The following CCDC6 variants were observed in gnomAD, a reference collection of about 807,000 sequenced individuals.
CCDC6 encodes the protein coiled-coil domain-containing protein 6.
CCDC6 carries 20 observed loss-of-function variants against 56.6 expected under a neutral mutation model. The ratio of observed to expected loss-of-function variants is 0.35; its 90% CI spans 0.25 to 0.51. CCDC6 has a LOEUF of 0.51. Ranked by LOEUF, CCDC6 falls within the 20% of genes least tolerant of loss-of-function variation. CCDC6 has a pLI of 0.95. For missense variants in CCDC6, 367 were observed against 601.1 expected, an observed-to-expected ratio of 0.61 and a Z score of 4.07; for synonymous variants, 241 against 234.4, an observed-to-expected ratio of 1.03 and a Z score of -0.26.
chr10:59,898,055 T>C (rs1564760549), intron 1 of CCDC6, among the ~76,000 whole-genome samples: 1 of 152,212 alleles, frequency 6.6e-6, no homozygotes, highest in East Asian at 1.9e-4. Context: ...TGTAAAAAAC[T>C]AGAATTCAAA....
At chr10:59,903,582 C>T (rs539095099) in intron 1 of CCDC6, among the ~76,000 whole-genome samples, 22 of 152,282 alleles carry the variant, frequency 1.4e-4, no homozygotes, top group African/African-American at 5.1e-4. Context: ...CCACAATCAC[C>T]TTTAGTGCCC....
intron 7 of CCDC6, among the ~76,000 whole-genome samples, chr10:59,795,479 TA>T (rs1315159647): frequency 1.3e-5 from 2 of 151,788 alleles, no homozygotes; most frequent in African/African-American, 4.8e-5. Context: ...TTTTTATTAT[TA>T]TTATTATTAT....
intron 3 of CCDC6, among the ~76,000 whole-genome samples, chr10:59,816,175 T>G (rs1174838589): frequency 6.6e-6 from 1 of 152,126 alleles, no homozygotes; most frequent in Non-Finnish European, 1.5e-5. Flanking sequence ...CCAGAATGAA[T>G]ATGCATAAAA....
intron 5 of CCDC6, among the ~76,000 whole-genome samples, chr10:59,811,711 C>T (rs1215117186): frequency 6.6e-6 from 1 of 152,024 alleles, no homozygotes; most frequent in African/African-American, 2.4e-5. Context: ...GAGGAACCCA[C>T]AGATAGGAAA....
chr10:59,857,616 C>T (rs1436987563), intron 1 of CCDC6, among the ~76,000 whole-genome samples: 1 of 151,846 alleles, frequency 6.6e-6, no homozygotes, highest in Non-Finnish European at 1.5e-5. Context: ...TTGATAGCAG[C>T]CCTATGGATA....
intron 2 of CCDC6, among the ~76,000 whole-genome samples, chr10:59,837,074 G>A (rs2070889512): frequency 6.6e-6 from 1 of 152,170 alleles, no homozygotes; most frequent in African/African-American, 2.4e-5. Context: ...CTAGCCTTAA[G>A]CATCATCCAA....
chr10:59,792,979 A>T lies in CCDC6; in HGVS notation c.1363T>A (p.Ser455Thr), dbSNP rs2070481837. 1 of 1,612,784 alleles carries T rather than the reference A, an allele frequency of 6.2e-7. No individual in the cohort carries two copies. The highest frequency in any genetic ancestry group is 1.7e-5 in the Admixed American group (1 of 59,924). The change falls in exon 9 of 9, where the codon TCA (serine) becomes ACA (threonine). Residue 455 changes from serine to threonine, a missense_variant. By Grantham distance (58) the Ser-to-Thr change is moderately conservative. This residue lies in a region of CCDC6 where 54 missense variants were observed against 60.0 expected (regional missense o/e 0.90). Coordinates refer to ENST00000263102, the MANE Select transcript of CCDC6 (RefSeq NM_005436.5). ...PPPPMQPTVPSAATSQPTPSQ... is the reference protein window; with the variant it reads ...PPPPMQPTVPTAATSQPTPSQ... ...GGAGTAGGCTGCGAGGTGGCTGCTG[A>T]GGGGACCGTGGGCTGCATGGGTGGC... is the stretch of plus-strand genomic sequence containing the variant.
intron 6 of CCDC6, 133 bp downstream of exon 6, chr10:59,806,789 T>C: frequency 3.1e-6 from 2 of 655,284 alleles, no homozygotes; most frequent in Non-Finnish European, 5.0e-6. Context: ...TATAACGCAG[T>C]GGCATTCATT....
At chr10:59,858,572 T>C (rs964552053) in intron 1 of CCDC6, among the ~76,000 whole-genome samples, 1 of 152,210 alleles carries the variant, frequency 6.6e-6, no homozygotes, top group Non-Finnish European at 1.5e-5. Flanking sequence ...AAACCAGCTT[T>C]CATGAAAGAC....
chr10:59,864,813 A>G (rs1446063064), intron 1 of CCDC6, among the ~76,000 whole-genome samples: 1 of 152,004 alleles, frequency 6.6e-6, no homozygotes, highest in Non-Finnish European at 1.5e-5. Flanking sequence ...AACAGTATAG[A>G]CCTCCTCAGA....
intron 1 of CCDC6, among the ~76,000 whole-genome samples, chr10:59,896,091 A>T (rs1394023242): frequency 6.6e-6 from 1 of 152,090 alleles, no homozygotes; most frequent in East Asian, 1.9e-4. Flanking sequence ...ACGTTCCTGG[A>T]CTCTGCCCTA....
At position 59,863,621 on chromosome 10, in the gene CCDC6, TATA is replaced by T. The variant is rs915785082; in HGVS notation, c.304-10922_304-10920del. ...CTAGATTATAGTTCAACTCTGTAAA[TATA>T]ATAAAAACCACTGAACTGTACATTT... On this transcript the variant is annotated intron_variant, in intron 1 of 8. Coordinates refer to ENST00000263102, the MANE Select transcript of CCDC6 (RefSeq NM_005436.5). 1.3e-4 allele frequency among the ~76,000 whole-genome samples: 20 copies of T among 152,256 alleles called. 1 individual carries two copies. Among genetic ancestry groups the T allele is most frequent in the African/African-American group, 4.1e-4 (17 of 41,546 alleles).
Position 59,885,114 on chromosome 10 carries a change from A to G in CCDC6, c.303+21008T>C, listed in dbSNP as rs568529658. Among the ~76,000 whole-genome samples the G allele has an allele frequency of 2.0e-5, 3 of 152,198 alleles. No homozygotes were observed. In the South Asian group the frequency reaches 6.2e-4, roughly 32 times the overall value. ...AGAAAGGAAGGAAGGAAGGAAGAAA[A>G]GAAAAGGAGAAAAGGAAAGAAAGGA... On this transcript the variant is annotated intron_variant, in intron 1 of 8. Coordinates refer to ENST00000263102, the MANE Select transcript of CCDC6 (RefSeq NM_005436.5).
chr10:59,890,701 GT>G (rs528699218), intron 1 of CCDC6, among the ~76,000 whole-genome samples: 25 of 151,300 alleles, frequency 1.7e-4, no homozygotes, highest in Non-Finnish European at 1.8e-4. Flanking sequence ...ACAGATTTTT[GT>G]TTTTTTTCTT....
intron 1 of CCDC6, among the ~76,000 whole-genome samples, chr10:59,902,924 C>A (rs2071515131): frequency 6.6e-6 from 1 of 152,126 alleles, no homozygotes; most frequent in South Asian, 2.1e-4. Flanking sequence ...GTGGAAACAA[C>A]CAAGATGCCC....
chr10:59,860,259 C>T (rs2071116724), intron 1 of CCDC6, among the ~76,000 whole-genome samples: 1 of 152,060 alleles, frequency 6.6e-6, no homozygotes, highest in Non-Finnish European at 1.5e-5. Flanking sequence ...AGATCCAATG[C>T]CCCCGAGGAA....
intron 1 of CCDC6, among the ~76,000 whole-genome samples, chr10:59,872,528 A>T (rs1159541671): frequency 1.3e-5 from 2 of 152,082 alleles, no homozygotes; most frequent in African/African-American, 4.8e-5. Context: ...ATGGAAGCCA[A>T]TTCCTCCGAA....
intron 1 of CCDC6, among the ~76,000 whole-genome samples, chr10:59,891,446 T>C (rs568274446): frequency 2.0e-5 from 3 of 152,322 alleles, no homozygotes; most frequent in Admixed American, 6.5e-5. Flanking sequence ...AAGAATACAC[T>C]GTACTTATGG....
chr10:59,869,859 C>A (rs991449542), intron 1 of CCDC6, among the ~76,000 whole-genome samples: 1 of 152,136 alleles, frequency 6.6e-6, no homozygotes, highest in Non-Finnish European at 1.5e-5. Context: ...CCACGACACT[C>A]CAGCCACTCC....
Sources: allele counts gnomAD v4.1 joint callset (sites outside exome capture counted in the v4.1 genomes callset), GRCh38; gene constraint gnomAD v4.1.1; regional missense constraint gnomAD v4.1.1; transcripts MANE v1.5; gene names NCBI Gene and HGNC (gene_info 2026-07-23, HGNC 2026-07-21).